Variants in ANKS1B observed in about 807,000 individuals in gnomAD.
The protein encoded by ANKS1B is ankyrin repeat and sterile alpha motif domain containing 1B, also known as ankyrin repeat and sterile alpha motif domain-containing protein 1B.
ANKS1B carries 36 observed loss-of-function variants against 148.3 expected under a neutral mutation model. The observed-to-expected ratio is 0.24, with a 90% confidence interval of 0.19 to 0.32. The LOEUF is 0.32. Ranked by LOEUF, ANKS1B falls within the 10% of genes least tolerant of loss-of-function variation. The pLI, the probability that ANKS1B is intolerant of heterozygous loss-of-function variation, is 1.00. For missense variants in ANKS1B, 1,157 were observed against 1,542.6 expected, an observed-to-expected ratio of 0.75 and a Z score of 4.19; for synonymous variants, 542 against 560.8, an observed-to-expected ratio of 0.97 and a Z score of 0.47.
In ANKS1B at chr12:98,772,673, T is replaced by C. The variant is rs1484643978; in HGVS notation, c.3579+369A>G. On this transcript the variant is annotated intron_variant, in intron 25 of 26. Coordinates refer to ENST00000683438, the MANE Select transcript of ANKS1B (RefSeq NM_001352186.2). ...CACGATTCAATTACCTCCCACTGGG[T>C]TCCTCCCATGACACATGGGAATTAT... 2.6e-5 allele frequency among the ~76,000 whole-genome samples: 4 copies of C among 152,138 alleles called. No individual in the cohort carries two copies. In the South Asian group the frequency reaches 6.2e-4, roughly 24 times the overall value.
intron 14 of ANKS1B, among the ~76,000 whole-genome samples, chr12:99,243,971 A>G (rs971687430): frequency 2.0e-5 from 3 of 152,192 alleles, no homozygotes; most frequent in Admixed American, 1.3e-4. Flanking sequence ...ATACCTATGT[A>G]ACAAACCTGC....
chr12:98,972,992 A>G (rs984445053), intron 17 of ANKS1B, among the ~76,000 whole-genome samples: 3 of 152,346 alleles, frequency 2.0e-5, no homozygotes, highest in African/African-American at 7.2e-5. Flanking sequence ...ATATAAGTTT[A>G]AAACAAACCT....
intron 2 of ANKS1B, among the ~76,000 whole-genome samples, chr12:99,816,956 A>G (rs2069263676): frequency 6.6e-6 from 1 of 151,702 alleles, no homozygotes; most frequent in African/African-American, 2.4e-5. Context: ...ATATATGCAT[A>G]CAATGTGTAA....
intron 12 of ANKS1B, among the ~76,000 whole-genome samples, chr12:99,258,106 A>G (rs2075493990): frequency 6.6e-6 from 1 of 152,232 alleles, no homozygotes; most frequent in Non-Finnish European, 1.5e-5. Flanking sequence ...TTCACTTCAA[A>G]AAAACCACAG....
chr12:98,905,820 A>AT (rs141433488), intron 17 of ANKS1B, among the ~76,000 whole-genome samples: 5,029 of 152,158 alleles, frequency 0.033, 149 homozygotes, highest in East Asian at 0.13. Flanking sequence ...GGAGCCAGGC[A>AT]TTTTTCAGCC....
At chr12:99,748,840 C>T (rs980630906) in intron 8 of ANKS1B, among the ~76,000 whole-genome samples, 1 of 152,034 alleles carries the variant, frequency 6.6e-6, no homozygotes, top group Admixed American at 6.6e-5. Flanking sequence ...ACCAGCATAG[C>T]CAAAATTCAG....
intron 17 of ANKS1B, among the ~76,000 whole-genome samples, chr12:98,947,070 G>A (rs1004880449): frequency 2.0e-5 from 3 of 151,940 alleles, no homozygotes; most frequent in African/African-American, 7.3e-5. Context: ...TAAGTTGGAA[G>A]CTTGCTTGGG....
chr12:99,658,421 C>G (rs2098460374), intron 8 of ANKS1B, among the ~76,000 whole-genome samples: 1 of 152,060 alleles, frequency 6.6e-6, no homozygotes, highest in South Asian at 2.1e-4. Flanking sequence ...CCCACTGATT[C>G]AAAATAGAGT....
At chr12:99,175,607 C>A (rs1448305795) in intron 14 of ANKS1B, among the ~76,000 whole-genome samples, 1 of 152,094 alleles carries the variant, frequency 6.6e-6, no homozygotes, top group Non-Finnish European at 1.5e-5. Flanking sequence ...GATAAGCAAT[C>A]TTTTTTTATA....
At chr12:99,884,730 G>A (rs1352007751) in intron 1 of ANKS1B, among the ~76,000 whole-genome samples, 1 of 152,126 alleles carries the variant, frequency 6.6e-6, no homozygotes, top group Non-Finnish European at 1.5e-5. Context: ...AGGTTGCCAA[G>A]GATTAGAGCT....
At chr12:99,039,584 C>T (rs1005766365) in intron 17 of ANKS1B, among the ~76,000 whole-genome samples, 1 of 152,234 alleles carries the variant, frequency 6.6e-6, no homozygotes, top group Non-Finnish European at 1.5e-5. Context: ...GAAATTGGCT[C>T]ATCTGACTCT....
intron 14 of ANKS1B, among the ~76,000 whole-genome samples, chr12:99,188,799 A>G (rs191727816): frequency 2.3e-4 from 35 of 152,316 alleles, no homozygotes; most frequent in African/African-American, 7.9e-4. Context: ...GAGAAGCAAG[A>G]GCAAACAAAT....
At chr12:99,423,807 G>C (rs1383028690) in intron 11 of ANKS1B, among the ~76,000 whole-genome samples, 4 of 152,134 alleles carry the variant, frequency 2.6e-5, no homozygotes, top group Non-Finnish European at 5.9e-5. Context: ...TGAACACATA[G>C]AAGAGAATAA....
chr12:99,646,949 G>T (rs563385069), intron 9 of ANKS1B, among the ~76,000 whole-genome samples: 1 of 150,048 alleles, frequency 6.7e-6, no homozygotes, highest in African/African-American at 2.5e-5. Flanking sequence ...ACAGTTTGAG[G>T]GTGAGTCAAA....
chr12:99,669,584 T>C (rs892525666), intron 8 of ANKS1B, among the ~76,000 whole-genome samples: 1 of 152,140 alleles, frequency 6.6e-6, no homozygotes, highest in South Asian at 2.1e-4. Context: ...ACTTGAATGA[T>C]TGTTGGCCTT....
In ANKS1B at chr12:98,934,890, A is replaced by C. The variant is rs181859571; in HGVS notation, c.2779-102754T>G. Among the ~76,000 whole-genome samples the C allele has an allele frequency of 3.1e-3, 470 of 151,952 alleles. 3 individuals carry two copies. Among genetic ancestry groups the C allele is most frequent in the African/African-American group, 0.01 (426 of 41,470 alleles). On this transcript the variant is annotated intron_variant, in intron 17 of 26. Coordinates refer to ENST00000683438, the MANE Select transcript of ANKS1B (RefSeq NM_001352186.2). ...TTTTTTTTTTAAATGGAGTCTTTAGAATTTTCAAATATATAAGATCATGTC... is the reference window on the plus strand; with the variant it reads ...TTTTTTTTTTAAATGGAGTCTTTAGCATTTTCAAATATATAAGATCATGTC...
rs191607060 is a variant in ANKS1B at position 99,780,064 on chromosome 12, T to C, written c.746-92A>G. On this transcript the variant is annotated intron_variant, in intron 5 of 26. Coordinates refer to ENST00000683438, the MANE Select transcript of ANKS1B (RefSeq NM_001352186.2). ...TCTAACTGCTGTAATTTCAGACATA[T>C]ACAGACCAAGCATTGAAAGTGATTT... is the stretch of plus-strand genomic sequence containing the variant. 5.0e-4 allele frequency: 448 copies of C among 897,410 alleles called. 1 individual carries two copies. In the African/African-American group the frequency reaches 6.7e-3, roughly 13 times the overall value. 55.6% of individuals were successfully genotyped at this position (897,410 alleles called of 1,614,324 possible).
At chr12:99,656,959 T>G (rs188805793) in intron 8 of ANKS1B, among the ~76,000 whole-genome samples, 158 of 152,254 alleles carry the variant, frequency 1.0e-3, no homozygotes, top group African/African-American at 3.7e-3. Flanking sequence ...TCCTCCTATT[T>G]AAAAGAATTT....
At chr12:99,791,868 A>G (rs2065697374) in intron 4 of ANKS1B, among the ~76,000 whole-genome samples, 1 of 136,296 alleles carries the variant, frequency 7.3e-6, no homozygotes, top group Non-Finnish European at 1.6e-5. Flanking sequence ...AGCAAGCTGA[A>G]TGCAAAATTA....
Sources: allele counts gnomAD v4.1 joint callset (sites outside exome capture counted in the v4.1 genomes callset), GRCh38; gene constraint gnomAD v4.1.1; transcripts MANE v1.5; gene names NCBI Gene and HGNC (gene_info 2026-07-23, HGNC 2026-07-21).